NTNG1: variants seen among roughly 807,000 people sequenced by gnomAD.
NTNG1 encodes the protein netrin-G1.
In NTNG1, 16 loss-of-function variants were observed where a neutral mutation model predicts 54.0. The observed-to-expected ratio is 0.30, with a 90% confidence interval of 0.20 to 0.45. The LOEUF is 0.45. NTNG1 is among the 20% of genes least tolerant of loss of function. The pLI, the probability that NTNG1 is intolerant of heterozygous loss-of-function variation, is 1.00. For missense variants in NTNG1, 530 were observed against 678.7 expected, an observed-to-expected ratio of 0.78 and a Z score of 2.43; for synonymous variants, 255 against 263.1, an observed-to-expected ratio of 0.97 and a Z score of 0.30.
intron 2 of NTNG1, among the ~76,000 whole-genome samples, chr1:107,259,356 A>G (rs1663144572): frequency 6.6e-6 from 1 of 152,200 alleles, no homozygotes; most frequent in African/African-American, 2.4e-5. Flanking sequence ...GCTATAAATA[A>G]CAGGAATAAA....
At chr1:107,141,925 C>A (rs1042842064) in intron 1 of NTNG1, among the ~76,000 whole-genome samples, 1 of 152,180 alleles carries the variant, frequency 6.6e-6, no homozygotes, top group Admixed American at 6.5e-5. Flanking sequence ...CTATTGCCGG[C>A]CTTGGGGATC....
At chr1:107,421,574 T>C (rs1459939344) in intron 5 of NTNG1, among the ~76,000 whole-genome samples, 2 of 152,092 alleles carry the variant, frequency 1.3e-5, no homozygotes, top group Non-Finnish European at 2.9e-5. Context: ...CACCTTGGAA[T>C]TTATGCTTCC....
At chr1:107,393,996 G>C (rs1672522480) in intron 3 of NTNG1, among the ~76,000 whole-genome samples, 1 of 151,788 alleles carries the variant, frequency 6.6e-6, no homozygotes, top group Non-Finnish European at 1.5e-5. Context: ...CCTAGTTCCT[G>C]GAAGAGGCCA....
chr1:107,153,915 A>G lies in NTNG1; in HGVS notation c.246+5076A>G, dbSNP rs74428966. Among the ~76,000 whole-genome samples, 53 of 152,332 alleles carry G rather than the reference A, an allele frequency of 3.5e-4. No individual in the cohort carries two copies. The East Asian group carries it at 0.01, about 29-fold the overall frequency. ...TGATGAAGATTATGGCAAATGTAAC[A>G]AAACCTAAAACCACCTCATGTCATT... On this transcript the variant is annotated intron_variant, in intron 2 of 7. Coordinates refer to ENST00000370068, the MANE Select transcript of NTNG1 (RefSeq NM_001113226.3).
intron 3 of NTNG1, among the ~76,000 whole-genome samples, chr1:107,391,130 G>A (rs1183093141): frequency 2.0e-5 from 3 of 152,180 alleles, no homozygotes; most frequent in African/African-American, 4.8e-5. Flanking sequence ...GCTTATAAGA[G>A]TACCTGAAGG....
chr1:107,351,466 C>G (rs754325679), intron 3 of NTNG1, among the ~76,000 whole-genome samples: 2 of 152,104 alleles, frequency 1.3e-5, no homozygotes, highest in African/African-American at 4.8e-5. Context: ...CTGGCAGGAG[C>G]AAGACCAAGA....
intron 2 of NTNG1, among the ~76,000 whole-genome samples, chr1:107,251,370 C>G (rs1396108965): frequency 1.3e-5 from 2 of 152,162 alleles, no homozygotes; most frequent in Admixed American, 1.3e-4. Context: ...TGTTTCTCTA[C>G]TTGTATTCCA....
intron 3 of NTNG1, among the ~76,000 whole-genome samples, chr1:107,346,769 C>A (rs2101943605): frequency 6.6e-6 from 1 of 151,046 alleles, no homozygotes; most frequent in South Asian, 2.1e-4. Flanking sequence ...CCTATAACAG[C>A]CAGGACTTTC....
chr1:107,290,704 T>G (rs1224573328), intron 2 of NTNG1, among the ~76,000 whole-genome samples: 1 of 151,908 alleles, frequency 6.6e-6, no homozygotes, highest in East Asian at 1.9e-4. Flanking sequence ...ATTAAGTAGC[T>G]AATGAACAGA....
At chr1:107,154,875 A>C (rs1287051374) in intron 2 of NTNG1, among the ~76,000 whole-genome samples, 2 of 152,020 alleles carry the variant, frequency 1.3e-5, no homozygotes, top group Non-Finnish European at 2.9e-5. Flanking sequence ...TCTACCTGGA[A>C]CTCCAATTTC....
At chr1:107,387,664 A>G (rs1672097015) in intron 3 of NTNG1, among the ~76,000 whole-genome samples, 1 of 152,170 alleles carries the variant, frequency 6.6e-6, no homozygotes, top group African/African-American at 2.4e-5. Context: ...AATGTCCTAG[A>G]TCCAGCCTTT....
At chr1:107,174,491 G>T (rs187937427) in intron 2 of NTNG1, among the ~76,000 whole-genome samples, 97 of 151,926 alleles carry the variant, frequency 6.4e-4, no homozygotes, top group African/African-American at 1.2e-3. Context: ...GAAGCCATTA[G>T]GTTACTTTTA....
At chr1:107,450,186 T>A (rs1161594595) in intron 7 of NTNG1, among the ~76,000 whole-genome samples, 1 of 152,144 alleles carries the variant, frequency 6.6e-6, no homozygotes, top group African/African-American at 2.4e-5. Context: ...ATTTTAAAGA[T>A]AATGAAACCA....
intron 2 of NTNG1, among the ~76,000 whole-genome samples, chr1:107,233,093 A>G (rs1348182830): frequency 3.3e-5 from 5 of 152,194 alleles, no homozygotes; most frequent in African/African-American, 1.2e-4. Flanking sequence ...TGACTGATAC[A>G]TTTGCCTAAA....
rs776113818 is a variant in NTNG1 at position 107,324,477 on chromosome 1, A to G, written c.442A>G (p.Ile148Val). The part of the protein sequence containing the change: ...WSKTIELTDN[I>V]VITFESGRPD... The stretch of plus-strand genomic sequence containing the variant: ...CAAAACCATTGAGCTAACAGACAAC[A>G]TAGTTATTACCTTTGAATCTGGGCG... The change falls in exon 3 of 8, where the codon ATA (isoleucine) becomes GTA (valine). Residue 148 changes from isoleucine (I) to valine (V), a missense_variant. By Grantham distance (29) the Ile-to-Val change is conservative. This residue lies in a region of NTNG1 where 318 missense variants were observed against 465.1 expected (regional missense o/e 0.68). Transcript: ENST00000370068. 1.2e-5 allele frequency: 20 copies of G among 1,613,814 alleles called. No homozygotes were observed. The highest frequency in any genetic ancestry group is 1.7e-5 in the Non-Finnish European group (20 of 1,179,858).
intron 3 of NTNG1, among the ~76,000 whole-genome samples, chr1:107,387,897 T>C (rs375466505): frequency 3.3e-5 from 5 of 152,226 alleles, no homozygotes; most frequent in South Asian, 2.1e-4. Flanking sequence ...CCTTCCGTAA[T>C]AGAGACTGTC....
intron 3 of NTNG1, among the ~76,000 whole-genome samples, chr1:107,387,822 G>A (rs931748584): frequency 6.6e-6 from 1 of 152,160 alleles, no homozygotes; most frequent in African/African-American, 2.4e-5. Context: ...TGTACATAAA[G>A]CATCTATTAC....
chr1:107,163,512 T>C (rs1389811406), intron 2 of NTNG1, among the ~76,000 whole-genome samples: 1 of 152,158 alleles, frequency 6.6e-6, no homozygotes, highest in African/African-American at 2.4e-5. Flanking sequence ...AGTTTCCCTT[T>C]CTGAAATGTG....
At chr1:107,425,038 T>G (rs1674806175) in intron 5 of NTNG1, among the ~76,000 whole-genome samples, 1 of 152,102 alleles carries the variant, frequency 6.6e-6, no homozygotes, top group Non-Finnish European at 1.5e-5. Context: ...CAGAAGCCCC[T>G]GCTTCAGGAA....
Sources: gnomAD v4.1 joint callset for allele counts (sites outside exome capture counted in the v4.1 genomes callset) on GRCh38, gnomAD v4.1.1 for gene constraint, gnomAD v4.1.1 regional missense constraint, MANE v1.5 for transcripts, NCBI Gene and HGNC (gene_info 2026-07-23, HGNC 2026-07-21) for gene names.